VIPR2: variants seen among roughly 807,000 people sequenced by gnomAD.
VIPR2 encodes vasoactive intestinal polypeptide receptor 2.
Under a neutral mutation model 58.0 loss-of-function variants are expected in VIPR2, and 48 were observed. The ratio of observed to expected loss-of-function variants is 0.83; its 90% confidence interval spans 0.66 to 1.05. The LOEUF is 1.05. Ranked by LOEUF, VIPR2 falls within the 50% of genes least tolerant of loss-of-function variation. The probability of loss-of-function intolerance (pLI) is 0.00; values close to 1 mark genes in which losing one functional copy is unlikely to be tolerated. For synonymous variants in VIPR2, 243 were observed against 235.2 expected (o/e 1.03, Z -0.30); for missense variants, 534 against 558.0 (o/e 0.96, Z 0.43).
Position 159,098,942 on chromosome 7 carries a change from C to T in VIPR2, c.357+4815G>A, listed in dbSNP as rs1169010518. On this transcript the variant is annotated intron_variant, in intron 4 of 12. Transcript: ENST00000262178. This position sits in a 1 kb window ranked among gnomAD's most constrained non-coding sequence, Gnocchi z 5.2. ...TGTTCAGTTCAGCTCCCAGGCAGCCCTGCGCTCGCCGGTGGGCAGAGCCGG... is the reference window on the plus strand; with the variant it reads ...TGTTCAGTTCAGCTCCCAGGCAGCCTTGCGCTCGCCGGTGGGCAGAGCCGG... Among the ~76,000 whole-genome samples the T allele has an allele frequency of 1.3e-5, 2 of 152,192 alleles. No individual in the cohort carries two copies. Among genetic ancestry groups the T allele is most frequent in the African/African-American group, 4.8e-5 (2 of 41,452 alleles).
intron 4 of VIPR2, among the ~76,000 whole-genome samples, chr7:159,075,231 TAC>T (rs1856578050): frequency 6.6e-6 from 1 of 152,228 alleles, no homozygotes; most frequent in Non-Finnish European, 1.5e-5. Context: ...GCTCAAAATC[TAC>T]AGATGTCCAT....
rs1225361301 is a variant in VIPR2, at chr7:159,030,555, T to C, written c.*61A>G. The C allele has an allele frequency of 3.3e-5, 48 of 1,467,726 alleles. No homozygotes were observed. Among genetic ancestry groups the C allele is most frequent in the Non-Finnish European group, 4.3e-5 (48 of 1,105,904 alleles). 90.9% of individuals were successfully genotyped at this position (1,467,726 alleles called of 1,614,324 possible). A position where few individuals can be genotyped will look rare whatever the true frequency, so the allele number is the denominator to read the frequency against. Reference sequence around the variant, plus strand: ...CATCTGGAAGGAGGAAGCCGGCGTCTCAGCCCCGCAGAAGCCCCGAACCGT... The same window carrying C: ...CATCTGGAAGGAGGAAGCCGGCGTCCCAGCCCCGCAGAAGCCCCGAACCGT... On this transcript the variant is annotated 3_prime_UTR_variant, in exon 13 of 13. Coordinates refer to ENST00000262178, the MANE Select transcript of VIPR2 (RefSeq NM_003382.5).
intron 2 of VIPR2, 96 bp downstream of exon 2, chr7:159,142,350 T>TTTA: frequency 1.2e-6 from 1 of 807,246 alleles, no homozygotes. Flanking sequence ...TTTTTTTTTT[T>TTTA]AAGATGCAGG....
At chr7:159,083,881 C>A (rs1271712852) in intron 4 of VIPR2, among the ~76,000 whole-genome samples, 1 of 152,210 alleles carries the variant, frequency 6.6e-6, no homozygotes, top group Admixed American at 6.5e-5. Flanking sequence ...CCTGACTCTG[C>A]GTCTGCTGCA....
At chr7:159,137,372 T>C (rs1267554381) in intron 2 of VIPR2, among the ~76,000 whole-genome samples, 1 of 152,100 alleles carries the variant, frequency 6.6e-6, no homozygotes, top group Non-Finnish European at 1.5e-5. Flanking sequence ...ATAAAGACAT[T>C]ACTTTAAAAA....
chr7:159,078,677 G>A (rs1856764152), intron 4 of VIPR2, among the ~76,000 whole-genome samples: 1 of 152,164 alleles, frequency 6.6e-6, no homozygotes, highest in Non-Finnish European at 1.5e-5. Context: ...ATTTACATTA[G>A]GCAACCACAC....
At chr7:159,092,257 T>C (rs895174585) in intron 4 of VIPR2, among the ~76,000 whole-genome samples, 21 of 152,128 alleles carry the variant, frequency 1.4e-4, no homozygotes, top group African/African-American at 4.8e-4. Context: ...CAGAGCGAAA[T>C]TGGCGAATCT....
chr7:159,114,859 G>A (rs1477041495), intron 2 of VIPR2, among the ~76,000 whole-genome samples: 1 of 151,920 alleles, frequency 6.6e-6, no homozygotes, highest in African/African-American at 2.4e-5. Context: ...AGGGAGCGGG[G>A]AGGGAAGAAA....
intron 4 of VIPR2, among the ~76,000 whole-genome samples, chr7:159,068,021 C>T (rs762629735): frequency 4.6e-5 from 7 of 152,192 alleles, no homozygotes; most frequent in African/African-American, 1.4e-4. Flanking sequence ...GCATGCTAAC[C>T]GCTGGGGAGC....
chr7:159,065,440 C>T (rs559485696), intron 4 of VIPR2, among the ~76,000 whole-genome samples: 36 of 152,328 alleles, frequency 2.4e-4, no homozygotes, highest in Admixed American at 1.2e-3. Context: ...TTCCGGCTTC[C>T]CGTGGCTGGA....
rs561550897 is a variant in VIPR2, at chr7:159,028,772, C to G, written c.*1844G>C. On this transcript the variant is annotated 3_prime_UTR_variant, in exon 13 of 13. Coordinates refer to ENST00000262178, the MANE Select transcript of VIPR2 (RefSeq NM_003382.5). ...TGCTCAGCCGTCCTTTCCTGGGCAC[C>G]TGGCCTGGGCCGTTTACTCCCCAGT... The G allele has an allele frequency of 6.5e-6, 1 of 152,774 alleles. No homozygotes were observed. The highest frequency in any genetic ancestry group is 2.4e-5 in the African/African-American group (1 of 41,608). The allele number at this position is 152,774 out of a possible 1,614,324, so 9.5% of individuals were successfully genotyped here.
chr7:159,042,965 C>T, intron 6 of VIPR2, 70 bp downstream of exon 6: 2 of 1,561,016 alleles, frequency 1.3e-6, no homozygotes, highest in Non-Finnish European at 1.7e-6. Context: ...CAGAGACGTC[C>T]TCATCGTGAG....
Position 159,098,575 on chromosome 7 carries a change from CG to C in VIPR2, c.357+5181del, listed in dbSNP as rs559492276. Among the ~76,000 whole-genome samples the C allele has an allele frequency of 1.3e-3, 201 of 152,178 alleles. 1 individual carries two copies. Among genetic ancestry groups the C allele is most frequent in the African/African-American group, 4.7e-3 (194 of 41,524 alleles). Reference sequence around the variant, plus strand: ...GCCCAGACCATGGCCACGGCTGGTGCGGCCCCTTGGGCTCCAGGTCCAGATG... The same window carrying C: ...GCCCAGACCATGGCCACGGCTGGTGCGCCCCTTGGGCTCCAGGTCCAGATG... On this transcript the variant is annotated intron_variant, in intron 4 of 12. Transcript: ENST00000262178. This position sits in a 1 kb window ranked among gnomAD's most constrained non-coding sequence, Gnocchi z 5.2.
At chr7:159,105,059 A>G (rs1261383571) in intron 3 of VIPR2, among the ~76,000 whole-genome samples, 1 of 152,276 alleles carries the variant, frequency 6.6e-6, no homozygotes, top group Non-Finnish European at 1.5e-5. Flanking sequence ...TTTTGCGCCT[A>G]CGGAACTAAA....
intron 8 of VIPR2, 82 bp from the exon 9 acceptor site, chr7:159,034,732 C>T: frequency 1.8e-6 from 2 of 1,140,452 alleles, no homozygotes; most frequent in South Asian, 2.5e-5. Flanking sequence ...CTGCCCCTCC[C>T]AACTTGCCCA....
intron 2 of VIPR2, among the ~76,000 whole-genome samples, chr7:159,115,163 G>A (rs975156774): frequency 3.3e-5 from 5 of 152,206 alleles, no homozygotes; most frequent in East Asian, 3.9e-4. Flanking sequence ...TGAATGCTCC[G>A]CAGTGGAACT....
At chr7:159,134,968 A>G (rs1229751586) in intron 2 of VIPR2, among the ~76,000 whole-genome samples, 2 of 77,152 alleles carry the variant, frequency 2.6e-5, no homozygotes, top group South Asian at 7.2e-4. Context: ...ATAGGACAAT[A>G]TTTTCTTGAA....
chr7:159,083,252 C>A (rs989198271), intron 4 of VIPR2, among the ~76,000 whole-genome samples: 14 of 152,222 alleles, frequency 9.2e-5, no homozygotes, highest in Admixed American at 3.3e-4. Context: ...GAGCCTCTTC[C>A]CTTCATCTTT....
intron 4 of VIPR2, among the ~76,000 whole-genome samples, chr7:159,076,878 T>A (rs1856662326): frequency 6.6e-6 from 1 of 152,196 alleles, no homozygotes; most frequent in African/African-American, 2.4e-5. Flanking sequence ...GACATACAAC[T>A]TTTATTACTA....
Sources: allele counts gnomAD v4.1 joint callset (sites outside exome capture counted in the v4.1 genomes callset), GRCh38; gene constraint gnomAD v4.1.1; non-coding constraint Gnocchi (gnomAD v3.1); transcripts MANE v1.5; gene names NCBI Gene and HGNC (gene_info 2026-07-23, HGNC 2026-07-21).